The following N4BP3 variants were observed in gnomAD, a reference collection of about 807,000 sequenced individuals.
N4BP3 encodes NEDD4 binding protein 3.
In N4BP3, 33 loss-of-function variants were observed where a neutral mutation model predicts 43.8. The observed-to-expected ratio is 0.75, with a 90% CI of 0.57 to 1.01. The LOEUF is 1.01. N4BP3 is among the 50% of genes least tolerant of loss of function. The pLI, the probability that N4BP3 is intolerant of heterozygous loss-of-function variation, is 0.00. For synonymous variants in N4BP3, 326 were observed against 321.9 expected (o/e 1.01, Z -0.14); for missense variants, 756 against 744.2 (o/e 1.02, Z -0.18).
chr5:178,122,742 G>A lies in N4BP3; in HGVS notation c.*741G>A, dbSNP rs1027989008. 2 of 152,242 alleles carry A rather than the reference G, an allele frequency of 1.3e-5. No individual in the cohort carries two copies. Among genetic ancestry groups the A allele is most frequent in the African/African-American group, 4.8e-5 (2 of 41,452 alleles). 9.4% of individuals were successfully genotyped at this position (152,242 alleles called of 1,614,324 possible). On this transcript the variant is annotated 3_prime_UTR_variant, in exon 5 of 5. Transcript: ENST00000274605. ...GAAATGTCTTCTTGGTGGGAAGGCT[G>A]GGCCCCAGGAGTATCCACAGGCTCA...
chr5:178,115,692 G>A (rs1392869929), intron 1 of N4BP3, among the ~76,000 whole-genome samples: 1 of 152,250 alleles, frequency 6.6e-6, no homozygotes, highest in East Asian at 1.9e-4. Context: ...TGTGTCTTGT[G>A]AGGATGTGAT....
chr5:178,119,941 G>T, intron 2 of N4BP3, 28 bp downstream of exon 2: 1 of 1,563,742 alleles, frequency 6.4e-7, no homozygotes. Context: ...CCCCTTACAA[G>T]GTGTGGGGAG....
At position 178,120,398 on chromosome 5, in the gene N4BP3, C is replaced by A. The variant is rs1239669427; in HGVS notation, c.551C>A (p.Pro184His). 4 of 1,612,776 alleles carry A rather than the reference C, an allele frequency of 2.5e-6. No individual in the cohort carries two copies. Among genetic ancestry groups the A allele is most frequent in the Non-Finnish European group, 3.4e-6 (4 of 1,179,970 alleles). The change falls in exon 3 of 5, where the codon CCC becomes CAC. Residue 184 changes from proline (P) to histidine (H), a missense_variant. Physicochemically the swap from Pro to His is moderately conservative, Grantham distance 77 (BLOSUM62 -2). Transcript: ENST00000274605. ...AGCCTAGATGAGGGCGGCCCTGAGC[C>A]CGAGCCCAGCCTGTCCGACTCCTCC... ...ALSLDEGGPE[P>H]EPSLSDSSSG...
rs1758049987 is a variant in N4BP3, at chr5:178,125,799, C to G, written c.*3798C>G. 4 of 152,120 alleles carry G rather than the reference C, an allele frequency of 2.6e-5. No individual in the cohort carries two copies. Among genetic ancestry groups the G allele is most frequent in the Admixed American group, 6.5e-5 (1 of 15,276 alleles). 9.4% of individuals were successfully genotyped at this position (152,120 alleles called of 1,614,324 possible). On this transcript the variant is annotated 3_prime_UTR_variant, in exon 5 of 5. Transcript: ENST00000274605. ...ATGAAGATACAGTTCTGTCACCCCC[C>G]CAGCATTCTCCTGTGGCCCTCTAGT...
At position 178,120,599 on chromosome 5, in the gene N4BP3, C is replaced by G. The variant is rs765401243; in HGVS notation, c.752C>G (p.Ser251Cys). The G allele has an allele frequency of 1.9e-6, 3 of 1,612,402 alleles. No homozygotes were observed. The South Asian group carries it at 3.3e-5, about 18-fold the overall frequency. ...LPEPPPPYEF[S>C]CSSAEEMGAV... ...GAGCCACCACCCCCCTACGAGTTCT[C>G]CTGCTCCTCTGCCGAGGAAATGGGA... Residue 251 changes from serine to cysteine, a missense_variant, in exon 3 of 5, where the codon TCC becomes TGC. By Grantham distance (112) the Ser-to-Cys change is moderately radical. Coordinates refer to ENST00000274605, the MANE Select transcript of N4BP3 (RefSeq NM_015111.2).
At position 178,118,897 on chromosome 5, in the gene N4BP3, C is replaced by G. The variant is rs1238281916; in HGVS notation, c.-30-657C>G. On this transcript the variant is annotated intron_variant, in intron 1 of 4. Coordinates refer to ENST00000274605, the MANE Select transcript of N4BP3 (RefSeq NM_015111.2). The surrounding 1 kb of genome is among the most constrained non-coding windows in gnomAD (Gnocchi z 5.4). Reference sequence around the variant, plus strand: ...TTTTTTTTTTTTGAGATGGAGTCTCCCTCTGTCGCCCATGCTGGAGTGCAG... The same window carrying G: ...TTTTTTTTTTTTGAGATGGAGTCTCGCTCTGTCGCCCATGCTGGAGTGCAG... 6.6e-6 allele frequency among the ~76,000 whole-genome samples: 1 copy of G among 150,924 alleles called. No homozygotes were observed. Among genetic ancestry groups the G allele is most frequent in the Non-Finnish European group, 1.5e-5 (1 of 67,668 alleles).
chr5:178,125,941 G>A lies in N4BP3; in HGVS notation c.*3940G>A, dbSNP rs143041775. 8.8e-5 allele frequency: 13 copies of A among 147,850 alleles called. No homozygotes were observed. The highest frequency in any genetic ancestry group is 8.9e-5 in the Non-Finnish European group (6 of 67,130). The allele number at this position is 147,850 out of a possible 1,614,324, so 9.2% of individuals were successfully genotyped here. A position where few individuals can be genotyped will look rare whatever the true frequency, so the allele number is the denominator to read the frequency against. On this transcript the variant is annotated 3_prime_UTR_variant, in exon 5 of 5. Transcript: ENST00000274605. ...GTATTTAATTCCTTTGCTCTAATAT[G>A]TAATATTAGAACATATTACAAAGTA...
In N4BP3 at chr5:178,118,612, C is replaced by T. The variant is rs560027971; in HGVS notation, c.-30-942C>T. Among the ~76,000 whole-genome samples, 3 of 152,302 alleles carry T rather than the reference C, an allele frequency of 2.0e-5. No individual in the cohort carries two copies. The highest frequency in any genetic ancestry group is 2.9e-5 in the Non-Finnish European group (2 of 68,026). ...TCCCGGAAACTGTGGCCATTGTTCA[C>T]GTCATCCTTCCTCCTTTTGGGCCCT... On this transcript the variant is annotated intron_variant, in intron 1 of 4. Transcript: ENST00000274605. This position sits in a 1 kb window ranked among gnomAD's most constrained non-coding sequence, Gnocchi z 5.4.
Position 178,121,826 on chromosome 5 carries a change from A to G in N4BP3, c.1460A>G (p.Glu487Gly). Residue 487 changes from glutamate to glycine, a missense_variant, in exon 5 of 5, where the codon GAG becomes GGG. Physicochemically the swap from Glu to Gly is moderately conservative, Grantham distance 98. Transcript: ENST00000274605. ...LRGQEQALRF[E>G]QERRTWQEEK... ...GGCCAGGAGCAGGCGCTGCGCTTTG[A>G]GCAGGAGCGGCGGACTTGGCAGGAG... The G allele has an allele frequency of 6.2e-7, 1 of 1,609,172 alleles. No individual in the cohort carries two copies. Among genetic ancestry groups the G allele is most frequent in the Non-Finnish European group, 8.5e-7 (1 of 1,178,916 alleles).
At chr5:178,120,766 G>A (rs981699983) in intron 3 of N4BP3, 67 bp downstream of exon 3, 5 of 1,467,442 alleles carry the variant, frequency 3.4e-6, no homozygotes, top group Non-Finnish European at 3.6e-6. Context: ...CAGAGAGAGG[G>A]GCCCCAGCCA....
intron 1 of N4BP3, among the ~76,000 whole-genome samples, chr5:178,115,920 G>A (rs796439847): frequency 6.6e-6 from 1 of 152,192 alleles, no homozygotes; most frequent in Non-Finnish European, 1.5e-5. Context: ...TGGTGGCGGG[G>A]AGCAGGAGTG....
rs536190407 is a variant in N4BP3 at position 178,113,762 on chromosome 5, C to T, written c.-40C>T. 177 of 151,250 alleles carry T rather than the reference C, an allele frequency of 1.2e-3. No individual in the cohort carries two copies. Among genetic ancestry groups the T allele is most frequent in the African/African-American group, 4.1e-3 (170 of 41,176 alleles). 9.4% of individuals were successfully genotyped at this position (151,250 alleles called of 1,614,324 possible). On this transcript the variant is annotated 5_prime_UTR_variant, in exon 1 of 5. Transcript: ENST00000274605. ...CGGAGCCGCGGGCCGGCGAGCGCGTCGCCACCATGGTAAGTGGGGCGCGCG... is the reference window on the plus strand; with the variant it reads ...CGGAGCCGCGGGCCGGCGAGCGCGTTGCCACCATGGTAAGTGGGGCGCGCG...
rs982028636 is a variant in N4BP3 at position 178,121,991 on chromosome 5, C to T, written c.1625C>T (p.Ser542Phe). The change falls in exon 5 of 5, where the codon TCC (serine) becomes TTC (phenylalanine). Residue 542 changes from serine (S) to phenylalanine (F), a missense_variant. By Grantham distance (155) the Ser-to-Phe change is radical. Transcript: ENST00000274605. ...PTPWSPRLES[S>F]KI The stretch of plus-strand genomic sequence containing the variant: ...CCCTGGAGTCCCCGGCTCGAGTCCT[C>T]CAAGATCTGAGGCCAGCAGAGCGAG... 4 of 1,594,454 alleles carry T rather than the reference C, an allele frequency of 2.5e-6. No individual in the cohort carries two copies. The highest frequency in any genetic ancestry group is 2.3e-5 in the South Asian group (2 of 88,582).
In N4BP3 at chr5:178,125,924, T is replaced by C. The variant is rs1047624930; in HGVS notation, c.*3923T>C. The C allele has an allele frequency of 2.0e-5, 3 of 150,468 alleles. No homozygotes were observed. The highest frequency in any genetic ancestry group is 7.3e-5 in the African/African-American group (3 of 41,106). The allele number at this position is 150,468 out of a possible 1,614,324, so 9.3% of individuals were successfully genotyped here. A position where few individuals can be genotyped will look rare whatever the true frequency, so the allele number is the denominator to read the frequency against. ...TTCCTTTTTTGTGAGCGGTATTTAA[T>C]TCCTTTGCTCTAATATGTAATATTA... On this transcript the variant is annotated 3_prime_UTR_variant, in exon 5 of 5. Transcript: ENST00000274605.
In N4BP3 at chr5:178,120,549, A is replaced by G; in HGVS notation, c.702A>G (p.Pro234=). The change falls in exon 3 of 5, where the codon CCA becomes CCG. Residue 234 remains proline (P), a synonymous_variant. Transcript: ENST00000274605. ...RASQGPKEAG[P]PAVLSCLPEP... The stretch of plus-strand genomic sequence containing the variant: ...CTCAAGGACCCAAGGAGGCTGGGCC[A>G]CCAGCTGTGCTGAGCTGCCTGCCCG... 6.2e-7 allele frequency: 1 copy of G among 1,612,974 alleles called. No individual in the cohort carries two copies. The highest frequency in any genetic ancestry group is 8.5e-7 in the Non-Finnish European group (1 of 1,179,984).
Position 178,118,657 on chromosome 5 carries a change from A to G in N4BP3, c.-30-897A>G, listed in dbSNP as rs1339481987. Among the ~76,000 whole-genome samples, 7 of 150,612 alleles carry G rather than the reference A, an allele frequency of 4.6e-5. No individual in the cohort carries two copies. Among genetic ancestry groups the G allele is most frequent in the Admixed American group, 4.6e-4 (7 of 15,150 alleles). The stretch of plus-strand genomic sequence containing the variant: ...GGCCCTTCCTGTTTGTATCCCTCCC[A>G]CTGTAGCCCCCAACCCTCCCCCCCA... On this transcript the variant is annotated intron_variant, in intron 1 of 4. Coordinates refer to ENST00000274605, the MANE Select transcript of N4BP3 (RefSeq NM_015111.2). The surrounding 1 kb of genome is among the most constrained non-coding windows in gnomAD (Gnocchi z 5.4).
Position 178,122,047 on chromosome 5 carries a change from C to T in N4BP3, c.*46C>T, listed in dbSNP as rs1389180548. On this transcript the variant is annotated 3_prime_UTR_variant, in exon 5 of 5. Coordinates refer to ENST00000274605, the MANE Select transcript of N4BP3 (RefSeq NM_015111.2). ...AGCAGCAACACTGTCAGAAGGTGCC[C>T]TGAGACGGCCGGCTCAGCCTTCCCT... is the stretch of plus-strand genomic sequence containing the variant. 1 of 1,523,196 alleles carries T rather than the reference C, an allele frequency of 6.6e-7. No individual in the cohort carries two copies. The highest frequency in any genetic ancestry group is 1.3e-5 in the South Asian group (1 of 76,922). The allele number at this position is 1,523,196 out of a possible 1,614,324, so 94.4% of individuals were successfully genotyped here. A position where few individuals can be genotyped will look rare whatever the true frequency, so the allele number is the denominator to read the frequency against.
rs1012947945 is a variant in N4BP3, at chr5:178,121,285, C to T, written c.1040C>T (p.Pro347Leu). The T allele has an allele frequency of 8.7e-6, 14 of 1,606,230 alleles. No homozygotes were observed. Among genetic ancestry groups the T allele is most frequent in the Non-Finnish European group, 1.2e-5 (14 of 1,175,792 alleles). The change falls in exon 4 of 5, where the codon CCT becomes CTT. Residue 347 changes from proline (P) to leucine (L), a missense_variant. Pro to Leu is a moderately conservative substitution (Grantham distance 98, BLOSUM62 -3). Coordinates refer to ENST00000274605, the MANE Select transcript of N4BP3 (RefSeq NM_015111.2). ...LRAQQGLAPE[P>L]RAPGTLPEAD... ...GCTCAGCAGGGCCTGGCTCCGGAGC[C>T]TCGGGCCCCCGGCACCCTCCCAGAG...
downstream of N4BP3, among the ~76,000 whole-genome samples, chr5:178,126,275 T>G (rs1758063234): frequency 1.5e-5 from 1 of 65,946 alleles, no homozygotes. Flanking sequence ...GCCTCCCGAG[T>G]TCAAGCAGTT....
Sources: allele counts gnomAD v4.1 joint callset (sites outside exome capture counted in the v4.1 genomes callset), GRCh38; gene constraint gnomAD v4.1.1; non-coding constraint Gnocchi (gnomAD v3.1); transcripts MANE v1.5; gene names NCBI Gene and HGNC (gene_info 2026-07-23, HGNC 2026-07-21).